FDFT1: variants seen among roughly 807,000 people sequenced by gnomAD.
The protein encoded by FDFT1 is farnesyl-diphosphate farnesyltransferase 1.
FDFT1 carries 68 observed loss-of-function variants against 46.8 expected under a neutral mutation model. The ratio of observed to expected loss-of-function variants is 1.45; its 90% confidence interval spans 1.19 to 1.78. The LOEUF is 1.78. FDFT1 is among the 40% of genes most tolerant of loss of function. FDFT1 has a pLI of 0.00. For synonymous variants in FDFT1, 351 were observed against 185.1 expected (o/e 1.90, Z -7.28); for missense variants, 928 against 524.4 (o/e 1.77, Z -7.52).
upstream of FDFT1, among the ~76,000 whole-genome samples, chr8:11,797,571 A>C (rs1245385977): frequency 7.3e-6 from 1 of 136,446 alleles, no homozygotes; most frequent in East Asian, 2.3e-4. Flanking sequence ...AGATGGGAAG[A>C]TCCTTAATCC....
chr8:11,808,369 G>GGCGGGGCT lies in FDFT1; in HGVS notation c.100-409_100-402dup, dbSNP rs1248906823. ...CGCCGGTGCGGAGCGGGAGGCCGGGGGCGGGGCTGCGGGGCTGCGGGGCGG... is the reference window on the plus strand; with the variant it reads ...CGCCGGTGCGGAGCGGGAGGCCGGGGGCGGGGCTGCGGGGCTGCGGGGCTGCGGGGCGG... On this transcript the variant is annotated intron_variant, in intron 1 of 7. Transcript: ENST00000220584. The GGCGGGGCT allele has an allele frequency of 9.1e-4, 1,124 of 1,235,678 alleles. 2 individuals are homozygous for GGCGGGGCT. Among genetic ancestry groups the GGCGGGGCT allele is most frequent in the African/African-American group, 6.7e-3 (428 of 64,328 alleles). 76.5% of individuals were successfully genotyped at this position (1,235,678 alleles called of 1,614,324 possible). A position where few individuals can be genotyped will look rare whatever the true frequency, so the allele number is the denominator to read the frequency against.
Position 11,826,202 on chromosome 8 carries a change from T to C in FDFT1, c.689T>C (p.Phe230Ser). ...GAAGACCAGCAAGGAGGAAGAGAGT[T>C]CTGGCCTCAAGAGGTAACAGATTCA... The part of the protein sequence containing the change: ...YLEDQQGGRE[F>S]WPQEVWSRYV... The change falls in exon 5 of 8, where the codon TTC becomes TCC. Residue 230 changes from phenylalanine to serine, a missense_variant. By Grantham distance (155) the Phe-to-Ser change is radical (BLOSUM62 -2). Transcript: ENST00000220584. 6.4e-7 allele frequency: 1 copy of C among 1,557,600 alleles called. No individual in the cohort carries two copies. The highest frequency in any genetic ancestry group is 8.8e-7 in the Non-Finnish European group (1 of 1,140,090).
chr8:11,808,049 G>A (rs148838920), intron 1 of FDFT1: 7 of 158,808 alleles, frequency 4.4e-5, no homozygotes, highest in Admixed American at 2.0e-4. Context: ...GACATCACCT[G>A]AGGGATGGAG....
chr8:11,820,192 G>A lies in FDFT1; in HGVS notation c.382-1558G>A, dbSNP rs1030439979. Among the ~76,000 whole-genome samples, 33 of 152,106 alleles carry A rather than the reference G, an allele frequency of 2.2e-4. 1 individual carries two copies. The highest frequency in any genetic ancestry group is 5.3e-4 in the African/African-American group (22 of 41,424). On this transcript the variant is annotated intron_variant, in intron 3 of 7. Coordinates refer to ENST00000220584, the MANE Select transcript of FDFT1 (RefSeq NM_004462.5). ...TGGAGGCTGCAGAACAGCAAATATC[G>A]CGGCCTGATCCTTCCTCTGGAAGCT...
At chr8:11,809,504 A>G (rs1252886149) in intron 2 of FDFT1, 163 bp from the exon 3 acceptor site, 1 of 1,324,508 alleles carries the variant, frequency 7.5e-7, no homozygotes, top group Non-Finnish European at 9.7e-7. Flanking sequence ...AGGAAGGAAA[A>G]CTAATGTAAC....
intron 3 of FDFT1, among the ~76,000 whole-genome samples, chr8:11,816,983 C>A (rs549725601): frequency 2.6e-5 from 4 of 152,280 alleles, no homozygotes; most frequent in African/African-American, 4.8e-5. Context: ...TTTGCCCATT[C>A]AGTATGATAT....
chr8:11,825,144 CAA>C (rs1422495580), intron 4 of FDFT1, among the ~76,000 whole-genome samples: 3 of 151,954 alleles, frequency 2.0e-5, no homozygotes, highest in Non-Finnish European at 4.4e-5. Context: ...TCAGATTGGT[CAA>C]AAAAAGATTA....
intron 7 of FDFT1, among the ~76,000 whole-genome samples, chr8:11,837,901 C>T (rs1036431991): frequency 6.6e-6 from 1 of 152,166 alleles, no homozygotes; most frequent in Non-Finnish European, 1.5e-5. Flanking sequence ...ACAGGGAGGA[C>T]TCCAGGGTGG....
chr8:11,832,823 A>G (rs190377455), intron 7 of FDFT1, among the ~76,000 whole-genome samples: 6 of 152,194 alleles, frequency 3.9e-5, no homozygotes, highest in Admixed American at 3.9e-4. Flanking sequence ...TTATGAAAAC[A>G]TACAAGACCC....
In FDFT1 at chr8:11,831,530, GC is replaced by G. The variant is rs1563339488; in HGVS notation, c.894del (p.Thr299LeufsTer16). On this transcript the variant is annotated frameshift_variant, in exon 7 of 8. Transcript: ENST00000220584. LOFTEE classifies it high-confidence loss of function. ...FCAIPQVMAIATLAACYNNQQ... is the reference protein window; with the variant it reads ...FCAIPQVMAIXTLAACYNNQQ... Reference sequence around the variant, plus strand: ...TTGTTGTCTCTAGGTGATGGCCATTGCCACTTTGGCTGCCTGTTATAATAAC... The same window carrying G: ...TTGTTGTCTCTAGGTGATGGCCATTGCACTTTGGCTGCCTGTTATAATAAC... 6.2e-7 allele frequency: 1 copy of G among 1,613,996 alleles called. No homozygotes were observed. The highest frequency in any genetic ancestry group is 8.5e-7 in the Non-Finnish European group (1 of 1,179,910).
intron 3 of FDFT1, among the ~76,000 whole-genome samples, chr8:11,820,663 G>A (rs1016734644): frequency 6.6e-6 from 1 of 152,220 alleles, no homozygotes; most frequent in Non-Finnish European, 1.5e-5. Context: ...CCATGGGCAT[G>A]GGACCCCCCG....
upstream of FDFT1, chr8:11,801,784 C>T (rs1163033296): frequency 5.5e-6 from 2 of 363,338 alleles, no homozygotes; most frequent in East Asian, 1.5e-4. Context: ...AACTCCGCTT[C>T]CCGGGTTCAA....
chr8:11,821,262 C>T (rs542424872), intron 3 of FDFT1, among the ~76,000 whole-genome samples: 1 of 152,194 alleles, frequency 6.6e-6, no homozygotes, highest in South Asian at 2.1e-4. Flanking sequence ...CATTTTTAGA[C>T]CATTCTATTT....
At position 11,821,734 on chromosome 8, in the gene FDFT1, A is replaced by G; in HGVS notation, c.382-16A>G. 6.2e-7 allele frequency: 1 copy of G among 1,612,062 alleles called. No homozygotes were observed. The highest frequency in any genetic ancestry group is 8.5e-7 in the Non-Finnish European group (1 of 1,178,628). ...CATATTTCATGATTTCTGTGTTTTTACGGTTTCCATTTCAGATCTCCCTTG... is the reference window on the plus strand; with the variant it reads ...CATATTTCATGATTTCTGTGTTTTTGCGGTTTCCATTTCAGATCTCCCTTG... On this transcript the variant is annotated splice_polypyrimidine_tract_variant and intron_variant, in intron 3 of 7. Transcript: ENST00000220584.
At position 11,834,649 on chromosome 8, in the gene FDFT1, G is replaced by C. The variant is rs547219045; in HGVS notation, c.1032+2979G>C. 2.2e-4 allele frequency among the ~76,000 whole-genome samples: 33 copies of C among 152,310 alleles called. 1 individual carries two copies. The highest frequency in any genetic ancestry group is 7.9e-4 in the African/African-American group (33 of 41,548). On this transcript the variant is annotated intron_variant, in intron 7 of 7. Transcript: ENST00000220584. ...AAATGATGTTTTTGCTTTAATGGAA[G>C]TTTAGATGTTCATAGACAAGAGTTT...
intron 7 of FDFT1, among the ~76,000 whole-genome samples, chr8:11,834,307 C>G (rs572701568): frequency 3.6e-4 from 55 of 152,322 alleles, no homozygotes; most frequent in African/African-American, 1.2e-3. Flanking sequence ...TCAAACCAGC[C>G]TGGATGCTTG....
chr8:11,810,222 C>T (rs1276721640), intron 3 of FDFT1, among the ~76,000 whole-genome samples: 1 of 152,170 alleles, frequency 6.6e-6, no homozygotes, highest in African/African-American at 2.4e-5. Context: ...AGTGTTTCTT[C>T]CTGTGGGAAG....
At chr8:11,825,063 A>C (rs1037206239) in intron 4 of FDFT1, among the ~76,000 whole-genome samples, 1 of 152,210 alleles carries the variant, frequency 6.6e-6, no homozygotes, top group African/African-American at 2.4e-5. Flanking sequence ...AAACCGTGTC[A>C]AGAACATAAA....
chr8:11,811,328 A>G (rs943793940), intron 3 of FDFT1, among the ~76,000 whole-genome samples: 3 of 152,228 alleles, frequency 2.0e-5, no homozygotes, highest in Non-Finnish European at 4.4e-5. Flanking sequence ...TCACTTAAAA[A>G]CAACTAATAT....
Sources: gnomAD v4.1 joint callset for allele counts (sites outside exome capture counted in the v4.1 genomes callset) on GRCh38, gnomAD v4.1.1 for gene constraint, MANE v1.5 for transcripts, NCBI Gene and HGNC (gene_info 2026-07-23, HGNC 2026-07-21) for gene names.